Variants in RNF213 observed in about 807,000 individuals in gnomAD.
RNF213 encodes ring finger protein 213, also known as E3 ubiquitin-protein ligase RNF213.
In RNF213, 341 loss-of-function variants were observed where a neutral mutation model predicts 514.4. The observed-to-expected ratio is 0.66, with a 90% CI of 0.61 to 0.73. RNF213 has a LOEUF of 0.73. Among genes scored for constraint, RNF213 ranks in the 30% least tolerant of loss-of-function variants. The pLI is 0.00. For synonymous variants in RNF213, 2,655 were observed against 2,658.2 expected, an observed-to-expected ratio of 1.00 and a Z score of 0.04; for missense variants, 5,767 against 6,615.6, an observed-to-expected ratio of 0.87 and a Z score of 4.45.
rs560928383 is a variant in RNF213, at chr17:80,317,452, C to T, written c.2901+175C>T. 2.2e-4 allele frequency among the ~76,000 whole-genome samples: 34 copies of T among 152,132 alleles called. No homozygotes were observed. The highest frequency in any genetic ancestry group is 4.3e-4 in the African/African-American group (18 of 41,420). The stretch of plus-strand genomic sequence containing the variant: ...CCCTTATAGTCTGTCCCTAGAAGAG[C>T]GCTTCGGAGTCTTACTGAGAGGACA... On this transcript the variant is annotated intron_variant, in intron 16 of 67. Transcript: ENST00000582970. The surrounding 1 kb of genome is among the most constrained non-coding windows in gnomAD (Gnocchi z 4.1).
In RNF213 at chr17:80,346,061, A is replaced by G; in HGVS notation, c.7726A>G (p.Ile2576Val). The change falls in exon 29 of 68, where the codon ATT becomes GTT. Residue 2576 changes from isoleucine to valine, a missense_variant. Transcript: ENST00000582970. The surrounding 1 kb of genome is among the most constrained non-coding windows in gnomAD (Gnocchi z 8.1). Reference sequence around the variant, plus strand: ...GGTCCATGCTCTGCCCCCGAGCCTGATTCCTCTGGTGTGGGACTTTGGACA... The same window carrying G: ...GGTCCATGCTCTGCCCCCGAGCCTGGTTCCTCTGGTGTGGGACTTTGGACA... ...YRVHALPPSL[I>V]PLVWDFGQLS... 6.2e-7 allele frequency: 1 copy of G among 1,614,150 alleles called. No individual in the cohort carries two copies. The highest frequency in any genetic ancestry group is 2.2e-5 in the East Asian group (1 of 44,886).
rs149441718 is a variant in RNF213 at position 80,270,764 on chromosome 17, G to C, written c.98-2477G>C. On this transcript the variant is annotated intron_variant, in intron 2 of 67. Coordinates refer to ENST00000582970, the MANE Select transcript of RNF213 (RefSeq NM_001256071.3). Reference sequence around the variant, plus strand: ...ACAGCCTGAAACCCAGCTCTCCTAGGCTTGCTCAGCAAGAGAAACGTGCTG... The same window carrying C: ...ACAGCCTGAAACCCAGCTCTCCTAGCCTTGCTCAGCAAGAGAAACGTGCTG... 4.6e-3 allele frequency among the ~76,000 whole-genome samples: 698 copies of C among 152,314 alleles called. 5 individuals carry two copies. The highest frequency in any genetic ancestry group is 0.016 in the African/African-American group (645 of 41,572).
In RNF213 at chr17:80,334,127, G is replaced by T; in HGVS notation, c.4166G>T (p.Arg1389Leu). The T allele has an allele frequency of 1.3e-6, 2 of 1,537,106 alleles. No homozygotes were observed. Among genetic ancestry groups the T allele is most frequent in the East Asian group, 2.4e-5 (1 of 40,914 alleles). The change falls in exon 22 of 68, where the codon CGC (arginine) becomes CTC (leucine). Residue 1389 changes from arginine to leucine, a missense_variant. Physicochemically the swap from Arg to Leu is moderately radical, Grantham distance 102 (BLOSUM62 -2). Coordinates refer to ENST00000582970, the MANE Select transcript of RNF213 (RefSeq NM_001256071.3). ...CAGACTGATAACTTCGACGACTTTCGCCGTGAAACACTGGACCAGATCAAC... is the reference window on the plus strand; with the variant it reads ...CAGACTGATAACTTCGACGACTTTCTCCGTGAAACACTGGACCAGATCAAC... ...LNFTDNFDDFRRETLDQINQE... is the reference protein window; with the variant it reads ...LNFTDNFDDFLRETLDQINQE...
rs1277162914 is a variant in RNF213 at position 80,397,338 on chromosome 17, G to A, written c.*3840G>A. 6.6e-6 allele frequency: 1 copy of A among 152,068 alleles called. No individual in the cohort carries two copies. Among genetic ancestry groups the A allele is most frequent in the Non-Finnish European group, 1.5e-5 (1 of 68,024 alleles). The allele number at this position is 152,068 out of a possible 1,614,324, so 9.4% of individuals were successfully genotyped here. A position where few individuals can be genotyped will look rare whatever the true frequency, so the allele number is the denominator to read the frequency against. On this transcript the variant is annotated 3_prime_UTR_variant, in exon 68 of 68. Transcript: ENST00000582970. ...ATCTGTCAGTGCTCTTAAGGGAGGA[G>A]ACCACCCCACATATTGTCTTACGCC...
chr17:80,394,346 G>C lies in RNF213; in HGVS notation c.*848G>C, dbSNP rs963268339. 7.2e-5 allele frequency: 11 copies of C among 152,242 alleles called. No individual in the cohort carries two copies. The allele number at this position is 152,242 out of a possible 1,614,324, so 9.4% of individuals were successfully genotyped here. A position where few individuals can be genotyped will look rare whatever the true frequency, so the allele number is the denominator to read the frequency against. Reference sequence around the variant, plus strand: ...TAGCATTATGCCAAATAAACATGCAGTCTCAGTGTGCTCTCGCATGTATGA... The same window carrying C: ...TAGCATTATGCCAAATAAACATGCACTCTCAGTGTGCTCTCGCATGTATGA... On this transcript the variant is annotated 3_prime_UTR_variant, in exon 68 of 68. Coordinates refer to ENST00000582970, the MANE Select transcript of RNF213 (RefSeq NM_001256071.3).
chr17:80,317,076 C>G lies in RNF213; in HGVS notation c.2812-112C>G. 8.6e-7 allele frequency: 1 copy of G among 1,160,366 alleles called. No individual in the cohort carries two copies. The allele number at this position is 1,160,366 out of a possible 1,614,324, so 71.9% of individuals were successfully genotyped here. ...AGGTTGGGGAGAGCCCTGGTGTTCG[C>G]GGAGTCCCGCGCTCTCTGTATTGCC... On this transcript the variant is annotated intron_variant, in intron 15 of 67. Coordinates refer to ENST00000582970, the MANE Select transcript of RNF213 (RefSeq NM_001256071.3). The surrounding 1 kb of genome is among the most constrained non-coding windows in gnomAD (Gnocchi z 4.1).
chr17:80,365,050 G>A (rs2079206214), intron 42 of RNF213: 2 of 208,346 alleles, frequency 9.6e-6, no homozygotes, highest in South Asian at 1.5e-4. Flanking sequence ...AGCTACTAAT[G>A]TGGGGTGGTC....
chr17:80,386,177 C>A, intron 61 of RNF213, 73 bp from the exon 62 acceptor site: 2 of 1,461,894 alleles, frequency 1.4e-6, no homozygotes, highest in Non-Finnish European at 9.5e-7. Flanking sequence ...CTTCTGCATC[C>A]CTCCTCCCCA....
At chr17:80,390,287 T>C in intron 67 of RNF213, 91 bp downstream of exon 67, 1 of 1,415,700 alleles carries the variant, frequency 7.1e-7, no homozygotes, top group Non-Finnish European at 9.9e-7. Context: ...AGTTCTTTTC[T>C]TACCACAGAA....
Position 80,353,756 on chromosome 17 carries a change from A to C in RNF213, c.10578+90A>C. The C allele has an allele frequency of 6.4e-7, 1 of 1,551,578 alleles. No homozygotes were observed. The highest frequency in any genetic ancestry group is 1.4e-5 in the African/African-American group (1 of 73,822). On this transcript the variant is annotated intron_variant, in intron 34 of 67. Coordinates refer to ENST00000582970, the MANE Select transcript of RNF213 (RefSeq NM_001256071.3). The surrounding 1 kb of genome is among the most constrained non-coding windows in gnomAD (Gnocchi z 5.0). ...ACGCTTTTGCATTGGGAGCTAGAGG[A>C]GTCGCCGCCGCTGTGCAGGGGTGAG...
At chr17:80,324,918 C>A in intron 17 of RNF213, 112 bp from the exon 18 acceptor site, 1 of 1,079,594 alleles carries the variant, frequency 9.3e-7, no homozygotes, top group Non-Finnish European at 1.3e-6. Flanking sequence ...CCTTATAAAA[C>A]AAGTTACAGT....
Position 80,375,771 on chromosome 17 carries a change from C to A in RNF213, c.13086C>A (p.Thr4362=). Residue 4362 remains threonine (T), a synonymous_variant, in exon 51 of 68, where the codon ACC becomes ACA. Transcript: ENST00000582970. ...GIKTALKACK[T]PQSQQSAYFL... ...CCTTGATTTTGCAGGCCTGCAAGACCCCCCAAAGCCAGCAGTCAGCCTACT... is the reference window on the plus strand; with the variant it reads ...CCTTGATTTTGCAGGCCTGCAAGACACCCCAAAGCCAGCAGTCAGCCTACT... 6.2e-7 allele frequency: 1 copy of A among 1,613,556 alleles called. No homozygotes were observed. Among genetic ancestry groups the A allele is most frequent in the African/African-American group, 1.3e-5 (1 of 75,004 alleles).
Position 80,363,275 on chromosome 17 carries a change from G to A in RNF213, c.11529G>A (p.Met3843Ile). ...TIYPQVLHSL[M>I]EARWNHELAG... is the part of the protein sequence containing the mutation. ...ACCCTCAGGTTCTCCACAGCCTGAT[G>A]GAAGCCCGTTGGAACCATGAGCTGG... Residue 3843 changes from methionine (M) to isoleucine (I), a missense_variant, in exon 40 of 68, where the codon ATG (methionine) becomes ATA (isoleucine). Transcript: ENST00000582970. 6.2e-7 allele frequency: 1 copy of A among 1,614,012 alleles called. No individual in the cohort carries two copies. The highest frequency in any genetic ancestry group is 8.5e-7 in the Non-Finnish European group (1 of 1,180,034).
rs1198652108 is a variant in RNF213 at position 80,394,452 on chromosome 17, A to C, written c.*954A>C. On this transcript the variant is annotated 3_prime_UTR_variant, in exon 68 of 68. Coordinates refer to ENST00000582970, the MANE Select transcript of RNF213 (RefSeq NM_001256071.3). The stretch of plus-strand genomic sequence containing the variant: ...ACATACAAAACCAGTTATGTTTCGG[A>C]AAGAGGGAAAAGAGTCCCCGAGCCC... 1.3e-5 allele frequency: 2 copies of C among 152,168 alleles called. No homozygotes were observed. The highest frequency in any genetic ancestry group is 3.8e-4 in the East Asian group (2 of 5,198). The allele number at this position is 152,168 out of a possible 1,614,324, so 9.4% of individuals were successfully genotyped here.
chr17:80,374,803 C>T, intron 50 of RNF213: 1 of 570,138 alleles, frequency 1.8e-6, no homozygotes, highest in Non-Finnish European at 3.2e-6. Context: ...GACAGTTGAG[C>T]TGGGTTGACA....
rs370607351 is a variant in RNF213 at position 80,278,950 on chromosome 17, C to T, written c.261+5546C>T. On this transcript the variant is annotated intron_variant, in intron 3 of 67. Coordinates refer to ENST00000582970, the MANE Select transcript of RNF213 (RefSeq NM_001256071.3). ...TAGTTTGGGCAGAATGCTCCCTGCC[C>T]TGGTGCATGCTGGCACAGCCTGGCA... 5.5e-5 allele frequency: 85 copies of T among 1,534,208 alleles called. 1 individual carries two copies. The Middle Eastern group carries it at 6.7e-4, about 12-fold the overall frequency.
chr17:80,337,609 A>G lies in RNF213; in HGVS notation c.4551A>G (p.Glu1517=), dbSNP rs1188433751. ...RKLCDSARNL[E]WLKTVNESHG... Reference sequence around the variant, plus strand: ...AGTGTGACTCCGCCAGGAACTTGGAATGGCTGAAGACTGTGAATGAGAGTC... The same window carrying G: ...AGTGTGACTCCGCCAGGAACTTGGAGTGGCTGAAGACTGTGAATGAGAGTC... Residue 1517 remains glutamate, a synonymous_variant, in exon 24 of 68, where the codon GAA becomes GAG. Coordinates refer to ENST00000582970, the MANE Select transcript of RNF213 (RefSeq NM_001256071.3). 1.3e-6 allele frequency: 2 copies of G among 1,537,184 alleles called. No homozygotes were observed. The highest frequency in any genetic ancestry group is 1.7e-6 in the Non-Finnish European group (2 of 1,146,930).
intron 19 of RNF213, 46 bp downstream of exon 19, chr17:80,328,035 TA>T: frequency 6.5e-7 from 1 of 1,530,212 alleles, no homozygotes; most frequent in South Asian, 1.2e-5. Context: ...AGGCATTAAG[TA>T]GCTGGAAGAC....
At chr17:80,321,070 C>G (rs753306133) in intron 17 of RNF213, 6 of 152,162 alleles carry the variant, frequency 3.9e-5, no homozygotes, top group Non-Finnish European at 8.8e-5. Context: ...ATGCTTGAGA[C>G]CAGAAGTGTT....
Sources: allele counts gnomAD v4.1 joint callset (sites outside exome capture counted in the v4.1 genomes callset), GRCh38; gene constraint gnomAD v4.1.1; non-coding constraint Gnocchi (gnomAD v3.1); transcripts MANE v1.5; gene names NCBI Gene and HGNC (gene_info 2026-07-23, HGNC 2026-07-21).